Variants in IRAK4 observed in about 807,000 individuals in gnomAD.
The protein encoded by IRAK4 is interleukin-1 receptor-associated kinase 4.
In IRAK4, 44 loss-of-function variants were observed where a neutral mutation model predicts 51.8. That is an observed-to-expected ratio of 0.85 (90% CI 0.67 to 1.09). The LOEUF is 1.09. Among genes scored for constraint, IRAK4 ranks in the 50% least tolerant of loss-of-function variants. The pLI is 0.00. For missense variants in IRAK4, 487 were observed against 538.0 expected (o/e 0.91, Z 0.94); for synonymous variants, 149 against 174.1 (o/e 0.86, Z 1.13).
At chr12:43,783,987 T>A (rs1942003169) in intron 10 of IRAK4, among the ~76,000 whole-genome samples, 1 of 152,184 alleles carries the variant, frequency 6.6e-6, no homozygotes, top group African/African-American at 2.4e-5. Flanking sequence ...AAATGATTTC[T>A]GAGGTCCTCT....
chr12:43,771,723 T>A (rs1337921921), intron 3 of IRAK4, among the ~76,000 whole-genome samples: 1 of 152,224 alleles, frequency 6.6e-6, no homozygotes, highest in African/African-American at 2.4e-5. Flanking sequence ...ATCATAATTT[T>A]AAAAAATTGT....
chr12:43,783,699 A>G lies in IRAK4; in HGVS notation c.1163A>G (p.Asp388Gly), dbSNP rs151272504. The change falls in exon 10 of 12, where the codon GAT becomes GGT. Residue 388 changes from aspartate to glycine, a missense_variant. By Grantham distance (94) the Asp-to-Gly change is moderately conservative. Coordinates refer to ENST00000613694, the MANE Select transcript of IRAK4 (RefSeq NM_016123.4). ...ATAATAACTGGACTTCCAGCTGTGG[A>G]TGAACACCGTGAACCTCAGTTATTG... is the stretch of plus-strand genomic sequence containing the variant. ...LEIITGLPAV[D>G]EHREPQLLLD... 6.2e-7 allele frequency: 1 copy of G among 1,609,020 alleles called. No individual in the cohort carries two copies. The highest frequency in any genetic ancestry group is 2.2e-5 in the East Asian group (1 of 44,860).
intron 8 of IRAK4, among the ~76,000 whole-genome samples, chr12:43,780,930 G>A (rs117419496): frequency 6.6e-6 from 1 of 152,268 alleles, no homozygotes; most frequent in East Asian, 1.9e-4. Context: ...TTATATGTGA[G>A]TGTCTTTTGA....
In IRAK4 at chr12:43,778,698, A is replaced by G. The variant is rs535473513; in HGVS notation, c.941+396A>G. Among the ~76,000 whole-genome samples, 7 of 152,224 alleles carry G rather than the reference A, an allele frequency of 4.6e-5. No homozygotes were observed. The East Asian group carries it at 1.2e-3, about 25-fold the overall frequency. ...TAAATATTTACCTACTATAAGTAAC[A>G]TATTCATATATAGAGCTCAACATCA... On this transcript the variant is annotated intron_variant, in intron 8 of 11. Transcript: ENST00000613694.
chr12:43,759,313 A>G (rs1179884960), intron 1 of IRAK4: 3 of 152,250 alleles, frequency 2.0e-5, no homozygotes, highest in Admixed American at 1.3e-4. Flanking sequence ...CTCACCTCTC[A>G]GGCCCTGGAT....
At chr12:43,786,091 T>G (rs1286064026) in intron 10 of IRAK4, among the ~76,000 whole-genome samples, 2 of 149,004 alleles carry the variant, frequency 1.3e-5, no homozygotes, top group Admixed American at 6.8e-5. Flanking sequence ...TAGGCTGGAG[T>G]GGCGTGATCT....
intron 1 of IRAK4, 167 bp downstream of exon 1, chr12:43,759,183 TC>T (rs1248378627): frequency 6.6e-6 from 1 of 152,224 alleles, no homozygotes; most frequent in Non-Finnish European, 1.5e-5. Context: ...CAGAGCTTAC[TC>T]CAGAAGAAAG....
intron 8 of IRAK4, among the ~76,000 whole-genome samples, chr12:43,781,019 C>A (rs749040396): frequency 1.3e-5 from 2 of 152,238 alleles, no homozygotes; most frequent in Non-Finnish European, 2.9e-5. Flanking sequence ...CCCACAGTAG[C>A]CTTTAAGTCA....
chr12:43,784,467 C>T (rs1942046083), intron 10 of IRAK4, among the ~76,000 whole-genome samples: 1 of 152,194 alleles, frequency 6.6e-6, no homozygotes, highest in African/African-American at 2.4e-5. Flanking sequence ...GTTTAGGCCT[C>T]CAGAACTTCT....
At chr12:43,766,150 C>T (rs1184766255) in intron 1 of IRAK4, among the ~76,000 whole-genome samples, 1 of 152,152 alleles carries the variant, frequency 6.6e-6, no homozygotes, top group African/African-American at 2.4e-5. Flanking sequence ...TAAGTTCAAA[C>T]TCTTTGTCTT....
intron 9 of IRAK4, 96 bp downstream of exon 9, chr12:43,782,586 T>C: frequency 9.7e-7 from 1 of 1,031,366 alleles, no homozygotes; most frequent in Non-Finnish European, 1.5e-6. Flanking sequence ...TGTTTATCTC[T>C]CTTATGTAAC....
In IRAK4 at chr12:43,786,987, G is replaced by A; in HGVS notation, c.*272G>A. ...CACCAAACACAGTTTGAAAATTACA[G>A]GGTTAGCAAAAAGAGCCTGGGCTGT... is the stretch of plus-strand genomic sequence containing the variant. On this transcript the variant is annotated 3_prime_UTR_variant, in exon 12 of 12. Coordinates refer to ENST00000613694, the MANE Select transcript of IRAK4 (RefSeq NM_016123.4). 1 of 468,512 alleles carries A rather than the reference G, an allele frequency of 2.1e-6. No individual in the cohort carries two copies. The allele number at this position is 468,512 out of a possible 1,614,324, so 29.0% of individuals were successfully genotyped here. A position where few individuals can be genotyped will look rare whatever the true frequency, so the allele number is the denominator to read the frequency against.
chr12:43,778,942 A>G (rs575741207), intron 8 of IRAK4, among the ~76,000 whole-genome samples: 1 of 152,288 alleles, frequency 6.6e-6, no homozygotes, highest in Non-Finnish European at 1.5e-5. Context: ...CATTCTAGGC[A>G]GAAGGAACTG....
At position 43,772,244 on chromosome 12, in the gene IRAK4, G is replaced by C; in HGVS notation, c.372G>C (p.Gln124His). 1 of 1,613,818 alleles carries C rather than the reference G, an allele frequency of 6.2e-7. No individual in the cohort carries two copies. Among genetic ancestry groups the C allele is most frequent in the Non-Finnish European group, 8.5e-7 (1 of 1,179,888 alleles). Reference sequence around the variant, plus strand: ...AAGCTATAACAGTTCAGCAAAAACAGATGCCTTTCTGTGACAAAGACAGGA... The same window carrying C: ...AAGCTATAACAGTTCAGCAAAAACACATGCCTTTCTGTGACAAAGACAGGA... ...SKEAITVQQK[Q>H]MPFCDKDRTL... The change falls in exon 4 of 12, where the codon CAG becomes CAC. Residue 124 changes from glutamine (Q) to histidine (H), a missense_variant. Coordinates refer to ENST00000613694, the MANE Select transcript of IRAK4 (RefSeq NM_016123.4).
At position 43,780,366 on chromosome 12, in the gene IRAK4, C is replaced by G. The variant is rs151099102; in HGVS notation, c.942-1941C>G. ...CAGAGATTAAGCTGTGCTTATGTGC[C>G]TATAGGAAGGATCCAGATTAAAAGG... On this transcript the variant is annotated intron_variant, in intron 8 of 11. Transcript: ENST00000613694. 1.9e-3 allele frequency among the ~76,000 whole-genome samples: 285 copies of G among 152,012 alleles called. 1 individual carries two copies. Among genetic ancestry groups the G allele is most frequent in the African/African-American group, 6.5e-3 (271 of 41,438 alleles).
At chr12:43,782,100 A>C (rs1222448740) in intron 8 of IRAK4, among the ~76,000 whole-genome samples, 8 of 148,664 alleles carry the variant, frequency 5.4e-5, no homozygotes, top group Admixed American at 4.0e-4. Flanking sequence ...CTCTTTAGCT[A>C]TAATCTGAAT....
intron 7 of IRAK4, 36 bp from the exon 8 acceptor site, chr12:43,778,157 C>A (rs1485200208): frequency 1.7e-6 from 2 of 1,209,886 alleles, no homozygotes; most frequent in Non-Finnish European, 2.5e-6. Context: ...TTTTATTATT[C>A]TTTCTCATTT....
At chr12:43,765,960 A>G (rs1940104076) in intron 1 of IRAK4, among the ~76,000 whole-genome samples, 1 of 151,800 alleles carries the variant, frequency 6.6e-6, no homozygotes, top group Non-Finnish European at 1.5e-5. Context: ...CCCCTACCCT[A>G]TACTTTTTCC....
At chr12:43,766,914 A>G (rs1189695602) in intron 1 of IRAK4, among the ~76,000 whole-genome samples, 3 of 152,228 alleles carry the variant, frequency 2.0e-5, no homozygotes, top group Non-Finnish European at 4.4e-5. Context: ...GTATATGATT[A>G]CAAATACATT....
Sources: gnomAD v4.1 joint callset for allele counts (sites outside exome capture counted in the v4.1 genomes callset) on GRCh38, gnomAD v4.1.1 for gene constraint, MANE v1.5 for transcripts, NCBI Gene and HGNC (gene_info 2026-07-23, HGNC 2026-07-21) for gene names.